PPP3CC: variants seen among roughly 807,000 people sequenced by gnomAD.
PPP3CC encodes protein phosphatase 3 catalytic subunit gamma, also known as serine/threonine-protein phosphatase 2B catalytic subunit gamma isoform.
PPP3CC carries 35 observed loss-of-function variants against 60.3 expected under a neutral mutation model. The observed-to-expected ratio is 0.58, with a 90% CI of 0.44 to 0.77. PPP3CC has a LOEUF of 0.77. Among genes scored for constraint, PPP3CC ranks in the 30% least tolerant of loss-of-function variants. The pLI, the probability that PPP3CC is intolerant of heterozygous loss-of-function variation, is 0.00. For missense variants in PPP3CC, 570 were observed against 628.9 expected, an observed-to-expected ratio of 0.91 and a Z score of 1.00; for synonymous variants, 206 against 224.3, an observed-to-expected ratio of 0.92 and a Z score of 0.73.
Position 22,540,872 on chromosome 8 carries a change from A to G in PPP3CC, c.*70A>G, listed in dbSNP as rs981362042. 3.7e-6 allele frequency: 5 copies of G among 1,353,130 alleles called. No individual in the cohort carries two copies. The highest frequency in any genetic ancestry group is 2.9e-6 in the Non-Finnish European group (3 of 1,033,622). 83.8% of individuals were successfully genotyped at this position (1,353,130 alleles called of 1,614,324 possible). On this transcript the variant is annotated 3_prime_UTR_variant, in exon 14 of 14. Transcript: ENST00000240139. The stretch of plus-strand genomic sequence containing the variant: ...AAATTCTATTTATTTATTATTGGAA[A>G]ATGAAAAGCAACTCAAAACAACTTC...
rs553662044 is a variant in PPP3CC at position 22,499,053 on chromosome 8, G to A, written c.484+941G>A. Among the ~76,000 whole-genome samples, 7 of 151,240 alleles carry A rather than the reference G, an allele frequency of 4.6e-5. No homozygotes were observed. The South Asian group carries it at 1.3e-3, about 27-fold the overall frequency. On this transcript the variant is annotated intron_variant, in intron 4 of 13. Coordinates refer to ENST00000240139, the MANE Select transcript of PPP3CC (RefSeq NM_005605.5). ...GCAGGAGAATGGCTTGAACCCGGGA[G>A]ATGGAGGTTGTGGTGAGATCCTGCC...
intron 3 of PPP3CC, among the ~76,000 whole-genome samples, chr8:22,479,867 T>G (rs1020455094): frequency 8.5e-5 from 13 of 152,148 alleles, no homozygotes; most frequent in African/African-American, 3.1e-4. Context: ...AAAAATGTTA[T>G]GTATTGCTGT....
chr8:22,512,483 C>G (rs944468862), intron 5 of PPP3CC, among the ~76,000 whole-genome samples: 2 of 151,940 alleles, frequency 1.3e-5, no homozygotes, highest in Non-Finnish European at 2.9e-5. Context: ...ATTGAAATAC[C>G]TCAACTGCAT....
At chr8:22,443,475 G>A (rs999771076) in intron 1 of PPP3CC, among the ~76,000 whole-genome samples, 3 of 146,058 alleles carry the variant, frequency 2.1e-5, no homozygotes, top group African/African-American at 5.1e-5. Context: ...GAGCCAAAAT[G>A]GTGCCACTGC....
chr8:22,465,473 A>C (rs1438747316), intron 1 of PPP3CC, among the ~76,000 whole-genome samples: 1 of 152,186 alleles, frequency 6.6e-6, no homozygotes, highest in Non-Finnish European at 1.5e-5. Context: ...TTTATCCCAA[A>C]TGCAGTAGTG....
intron 4 of PPP3CC, among the ~76,000 whole-genome samples, chr8:22,499,948 G>A (rs184636308): frequency 1.3e-5 from 2 of 152,280 alleles, no homozygotes; most frequent in Admixed American, 1.3e-4. Flanking sequence ...CATGCTAGCA[G>A]GGGTGTGTTT....
intron 1 of PPP3CC, among the ~76,000 whole-genome samples, chr8:22,442,871 CT>C (rs1836714323): frequency 6.6e-6 from 1 of 152,168 alleles, no homozygotes; most frequent in African/African-American, 2.4e-5. Context: ...CAGTTTCGTC[CT>C]GTACTAAAAT....
Position 22,538,749 on chromosome 8 carries a change from G to A in PPP3CC, c.1322-720G>A, listed in dbSNP as rs141989191. Among the ~76,000 whole-genome samples, 480 of 152,302 alleles carry A rather than the reference G, an allele frequency of 3.2e-3. 3 individuals are homozygous for A. The highest frequency in any genetic ancestry group is 0.011 in the African/African-American group (455 of 41,552). ...CTTTTCCATTGCTAAGAAAGAAGAG[G>A]GCTTTCTTAGTTACTGGCCAACTCT... On this transcript the variant is annotated intron_variant, in intron 12 of 13. Transcript: ENST00000240139.
At position 22,491,902 on chromosome 8, in the gene PPP3CC, A is replaced by T. The variant is rs116920409; in HGVS notation, c.373-6099A>T. On this transcript the variant is annotated intron_variant, in intron 3 of 13. Transcript: ENST00000240139. The stretch of plus-strand genomic sequence containing the variant: ...ACGTATATTCTCTACTTGTTGAGCT[A>T]TTCTTTATAACTTTGACTATTTTTG... Among the ~76,000 whole-genome samples, 42 of 152,296 alleles carry T rather than the reference A, an allele frequency of 2.8e-4. No individual in the cohort carries two copies. The East Asian group carries it at 7.5e-3, about 27-fold the overall frequency.
intron 1 of PPP3CC, among the ~76,000 whole-genome samples, chr8:22,453,984 C>A (rs1015798205): frequency 1.3e-5 from 2 of 152,134 alleles, no homozygotes; most frequent in Non-Finnish European, 2.9e-5. Flanking sequence ...TACTGTAGAA[C>A]ACCGCAGGCT....
intron 10 of PPP3CC, chr8:22,531,439 G>T: frequency 9.1e-7 from 1 of 1,097,994 alleles, no homozygotes; most frequent in Non-Finnish European, 1.3e-6. Context: ...CTCTCCATCC[G>T]CCCCTTCAGT....
chr8:22,528,552 A>G lies in PPP3CC; in HGVS notation c.1116A>G (p.Glu372=). Residue 372 remains glutamate, a synonymous_variant, in exon 10 of 14, where the codon GAA becomes GAG. Coordinates refer to ENST00000240139, the MANE Select transcript of PPP3CC (RefSeq NM_005605.5). ...TGCTCAACATATGCTCTGATGACGA[A>G]CTGATTTCTGATGATGAAGCAGAAG... The part of the protein sequence containing the change: ...VNVLNICSDD[E]LISDDEAEGS... 6.4e-7 allele frequency: 1 copy of G among 1,563,772 alleles called. No homozygotes were observed.
At chr8:22,452,693 T>G (rs1382704220) in intron 1 of PPP3CC, among the ~76,000 whole-genome samples, 4 of 152,168 alleles carry the variant, frequency 2.6e-5, no homozygotes, top group Non-Finnish European at 4.4e-5. Flanking sequence ...CTTAGATAAA[T>G]CACTTACACT....
At chr8:22,483,275 T>C (rs190064136) in intron 3 of PPP3CC, among the ~76,000 whole-genome samples, 2 of 152,330 alleles carry the variant, frequency 1.3e-5, no homozygotes, top group East Asian at 3.9e-4. Flanking sequence ...TATTTTTTTA[T>C]TTTTCAATTT....
intron 1 of PPP3CC, among the ~76,000 whole-genome samples, chr8:22,445,742 A>G (rs1213270990): frequency 6.6e-6 from 1 of 152,218 alleles, no homozygotes; most frequent in Non-Finnish European, 1.5e-5. Context: ...AACATTTTCA[A>G]GTATAAATTT....
At chr8:22,530,913 C>T (rs1261966687) in intron 10 of PPP3CC, among the ~76,000 whole-genome samples, 1 of 133,842 alleles carries the variant, frequency 7.5e-6, no homozygotes, top group Non-Finnish European at 1.6e-5. Flanking sequence ...AACAAAAAAA[C>T]ATACTATTCC....
chr8:22,523,510 A>C (rs945841922), intron 8 of PPP3CC: 2 of 196,118 alleles, frequency 1.0e-5, no homozygotes, highest in Non-Finnish European at 2.2e-5. Flanking sequence ...GAAAATAAAC[A>C]TGCCAGAACA....
intron 6 of PPP3CC, 136 bp from the exon 7 acceptor site, chr8:22,522,355 T>C: frequency 3.2e-6 from 2 of 634,202 alleles, no homozygotes; most frequent in Non-Finnish European, 5.5e-6. Context: ...ACTAAGCTAT[T>C]CATAAAATTT....
chr8:22,474,971 A>G lies in PPP3CC; in HGVS notation c.67A>G (p.Thr23Ala), dbSNP rs1177331745. 1.3e-6 allele frequency: 2 copies of G among 1,594,624 alleles called. No individual in the cohort carries two copies. The highest frequency in any genetic ancestry group is 1.7e-6 in the Non-Finnish European group (2 of 1,168,830). Reference sequence around the variant, plus strand: ...TTTTGTAGCTGTCCCCTTTCCTCCAACCCAACGGCTTACTTTCAAGGAAGT... The same window carrying G: ...TTTTGTAGCTGTCCCCTTTCCTCCAGCCCAACGGCTTACTTTCAAGGAAGT... Reference protein sequence around the residue: ...RVIKAVPFPPTQRLTFKEVFE... With the variant: ...RVIKAVPFPPAQRLTFKEVFE... The change falls in exon 2 of 14, where the codon ACC (threonine) becomes GCC (alanine). Residue 23 changes from threonine to alanine, a missense_variant. By Grantham distance (58) the Thr-to-Ala change is moderately conservative. Coordinates refer to ENST00000240139, the MANE Select transcript of PPP3CC (RefSeq NM_005605.5).
Sources: allele counts gnomAD v4.1 joint callset (sites outside exome capture counted in the v4.1 genomes callset), GRCh38; gene constraint gnomAD v4.1.1; transcripts MANE v1.5; gene names NCBI Gene and HGNC (gene_info 2026-07-23, HGNC 2026-07-21).